MYO1F: variants seen among roughly 807,000 people sequenced by gnomAD.
MYO1F encodes the protein myosin IF, also known as unconventional myosin-If.
MYO1F carries 60 observed loss-of-function variants against 146.6 expected under a neutral mutation model. That is an observed-to-expected ratio of 0.41 (90% CI 0.33 to 0.51). MYO1F has a LOEUF of 0.51. Among genes scored for constraint, MYO1F ranks in the 20% least tolerant of loss-of-function variants. The pLI, the probability that MYO1F is intolerant of heterozygous loss-of-function variation, is 0.25. For missense variants in MYO1F, 1,274 were observed against 1,534.3 expected (o/e 0.83, Z 2.83); for synonymous variants, 602 against 602.1 (o/e 1.00, Z 0.00).
intron 27 of MYO1F, 32 bp downstream of exon 27, chr19:8,522,345 C>G: frequency 6.2e-7 from 1 of 1,613,458 alleles, no homozygotes; most frequent in Non-Finnish European, 8.5e-7. Context: ...TTACCACTCC[C>G]CTCACCCCAG....
At chr19:8,562,055 G>GAC (rs1974159886) in intron 1 of MYO1F, among the ~76,000 whole-genome samples, 1 of 149,922 alleles carries the variant, frequency 6.7e-6, no homozygotes, top group African/African-American at 2.5e-5. Flanking sequence ...TTTTTTTTGA[G>GAC]ATGGAGTCTT....
At position 8,577,006 on chromosome 19, in the gene MYO1F, C is replaced by G; in HGVS notation, c.3+301G>C. The G allele has an allele frequency of 3.5e-6, 2 of 574,894 alleles. No homozygotes were observed. Among genetic ancestry groups the G allele is most frequent in the Non-Finnish European group, 6.2e-6 (2 of 322,200 alleles). 35.6% of individuals were successfully genotyped at this position (574,894 alleles called of 1,614,324 possible). ...TCCCTTAATTTGCAAGCAAAGGAGG[C>G]TATGTCCTTGTCCCTGCAGACTCTG... On this transcript the variant is annotated intron_variant, in intron 1 of 27. Transcript: ENST00000644032. The surrounding 1 kb of genome is among the most constrained non-coding windows in gnomAD (Gnocchi z 4.3).
intron 1 of MYO1F, among the ~76,000 whole-genome samples, chr19:8,567,006 A>G (rs1293360721): frequency 2.0e-5 from 3 of 151,272 alleles, no homozygotes; most frequent in Non-Finnish European, 4.4e-5. Flanking sequence ...GAATTACTTC[A>G]TCTTATCCTT....
chr19:8,569,306 G>A (rs558393129), intron 1 of MYO1F, among the ~76,000 whole-genome samples: 1 of 152,176 alleles, frequency 6.6e-6, no homozygotes, highest in South Asian at 2.1e-4. Flanking sequence ...CAACCTGCTG[G>A]AGCTCTTGTG....
chr19:8,570,222 A>G (rs1160396548), intron 1 of MYO1F, among the ~76,000 whole-genome samples: 1 of 151,526 alleles, frequency 6.6e-6, no homozygotes, highest in African/African-American at 2.4e-5. Context: ...ACAGGCGTGC[A>G]CAACGCCTGG....
intron 4 of MYO1F, among the ~76,000 whole-genome samples, chr19:8,554,011 C>T (rs752032414): frequency 6.4e-4 from 97 of 151,740 alleles, no homozygotes; most frequent in Non-Finnish European, 3.8e-4. Flanking sequence ...GGCTGGAGTG[C>T]AGTGGTGTGA....
At chr19:8,564,242 G>A (rs370910957) in intron 1 of MYO1F, among the ~76,000 whole-genome samples, 4 of 152,034 alleles carry the variant, frequency 2.6e-5, no homozygotes, top group Non-Finnish European at 4.4e-5. Flanking sequence ...TTAGCCAGGC[G>A]TGGTGTCAGG....
chr19:8,544,462 G>T lies in MYO1F; in HGVS notation c.1359C>A (p.Ser453Arg), dbSNP rs770942505. 8 of 1,608,136 alleles carry T rather than the reference G, an allele frequency of 5.0e-6. No homozygotes were observed. Among genetic ancestry groups the T allele is most frequent in the Middle Eastern group, 1.7e-4 (1 of 5,996 alleles). Residue 453 changes from serine to arginine, a missense_variant and splice_region_variant, in exon 14 of 28, where the codon AGC becomes AGA. By Grantham distance (110) the Ser-to-Arg change is moderately radical. This residue lies in a region of MYO1F where 900 missense variants were observed against 1,155.1 expected (regional missense o/e 0.78). Coordinates refer to ENST00000644032, the MANE Select transcript of MYO1F (RefSeq NM_012335.4). ...CCAAGACGCTCATGATGCCTGGGGG[G>T]CTCTGCGGGGCGAGCGGGAGCCAGC... ...VVCDLIENKL[S>R]PPGIMSVLDD...
At chr19:8,550,809 T>C (rs1490928255) in intron 8 of MYO1F, 115 bp from the exon 9 acceptor site, 1 of 1,407,582 alleles carries the variant, frequency 7.1e-7, no homozygotes, top group Non-Finnish European at 9.9e-7. Flanking sequence ...CTTGGGTCCC[T>C]GTCCTACCCC....
intron 14 of MYO1F, chr19:8,544,024 CGGTGGCGGTGGCGGTGCTGGTGG>C: frequency 3.5e-6 from 1 of 285,032 alleles, no homozygotes; most frequent in Non-Finnish European, 6.0e-6. Flanking sequence ...GTGGCGGTGG[CGGTGGCGGTGGCGGTGCTGGTGG>C]TGGTGGTGGT....
chr19:8,568,785 G>A (rs1322919792), intron 1 of MYO1F, among the ~76,000 whole-genome samples: 1 of 152,108 alleles, frequency 6.6e-6, no homozygotes, highest in African/African-American at 2.4e-5. Context: ...GCCCGGCGTG[G>A]TGGCGGGTGT....
intron 13 of MYO1F, among the ~76,000 whole-genome samples, chr19:8,544,987 A>G (rs548772581): frequency 6.6e-6 from 1 of 152,234 alleles, no homozygotes; most frequent in East Asian, 1.9e-4. Flanking sequence ...CATGTTGGCC[A>G]GGCTGGTTTC....
chr19:8,556,750 G>C (rs747887659), intron 1 of MYO1F, among the ~76,000 whole-genome samples: 44 of 151,166 alleles, frequency 2.9e-4, no homozygotes, highest in Admixed American at 1.3e-3. Flanking sequence ...AGCCAGGTGT[G>C]CTGGCACATG....
At position 8,522,364 on chromosome 19, in the gene MYO1F, C is replaced by T. The variant is rs762338885; in HGVS notation, c.3220+13G>A. The stretch of plus-strand genomic sequence containing the variant: ...CACTCCCCTCACCCCAGCTTCTGCC[C>T]TGGTACACACACCTTCCATGAGGAT... On this transcript the variant is annotated intron_variant, in intron 27 of 27. Coordinates refer to ENST00000644032, the MANE Select transcript of MYO1F (RefSeq NM_012335.4). 1 of 1,613,924 alleles carries T rather than the reference C, an allele frequency of 6.2e-7. No homozygotes were observed. The highest frequency in any genetic ancestry group is 1.3e-5 in the African/African-American group (1 of 75,038).
At position 8,574,601 on chromosome 19, in the gene MYO1F, CTTTCTTTCTT is replaced by C. The variant is rs1568381332; in HGVS notation, c.3+2696_3+2705del. Among the ~76,000 whole-genome samples, 513 of 64,652 alleles carry C rather than the reference CTTTCTTTCTT, an allele frequency of 7.9e-3. 7 individuals are homozygous for C. The highest frequency in any genetic ancestry group is 0.031 in the Middle Eastern group (4 of 128). 42.4% of individuals were successfully genotyped at this position (64,652 alleles called of 152,430 possible). On this transcript the variant is annotated intron_variant, in intron 1 of 27. Transcript: ENST00000644032. ...TTTCTCTCTCTCTCTCTCTCTCTTT[CTTTCTTTCTT>C]TCTTTCTTTCTTTCTTTCTTTCTTT...
In MYO1F at chr19:8,536,516, G is replaced by A. The variant is rs761619477; in HGVS notation, c.1881C>T (p.Phe627=). 3.4e-5 allele frequency: 55 copies of A among 1,613,172 alleles called. No individual in the cohort carries two copies. The highest frequency in any genetic ancestry group is 4.0e-5 in the Non-Finnish European group (47 of 1,179,834). ...CTCCTCACCTCTGCAGGAATTTGGC[G>A]AACTGGCGGCGGTAGGCGAAGCCGG... ...RRAGFAYRRQ[F]AKFLQRYAIL... is the part of the protein sequence containing the mutation. The change falls in exon 18 of 28, where the codon TTC becomes TTT. Residue 627 remains phenylalanine (F), a synonymous_variant. Coordinates refer to ENST00000644032, the MANE Select transcript of MYO1F (RefSeq NM_012335.4).
intron 1 of MYO1F, among the ~76,000 whole-genome samples, chr19:8,565,392 A>G (rs1482705243): frequency 6.6e-6 from 1 of 151,360 alleles, no homozygotes; most frequent in Non-Finnish European, 1.5e-5. Flanking sequence ...AAAGTACAAC[A>G]TTAGCCAGGT....
chr19:8,549,154 C>T (rs1973498674), intron 10 of MYO1F, among the ~76,000 whole-genome samples: 3 of 150,986 alleles, frequency 2.0e-5, no homozygotes, highest in Admixed American at 1.3e-4. Flanking sequence ...TTTTGCCATG[C>T]TGGCCAGGGC....
rs778786394 is a variant in MYO1F at position 8,525,526 on chromosome 19, C to T, written c.2807G>A (p.Arg936Gln). 1.9e-6 allele frequency: 3 copies of T among 1,613,612 alleles called. No homozygotes were observed. The highest frequency in any genetic ancestry group is 1.7e-5 in the Admixed American group (1 of 60,028). The change falls in exon 25 of 28, where the codon CGG (arginine) becomes CAG (glutamine). Residue 936 changes from arginine to glutamine, a missense_variant. This residue lies in a region of MYO1F where 374 missense variants were observed against 379.2 expected (regional missense o/e 0.99). Transcript: ENST00000644032. Reference sequence around the variant, plus strand: ...CCGGGTAGGGGCTTGGGACGACCTCCGAGGTTTTCCCTTGGCCATTCCCTT... The same window carrying T: ...CCGGGTAGGGGCTTGGGACGACCTCTGAGGTTTTCCCTTGGCCATTCCCTT... The part of the protein sequence containing the change: ...TRKGMAKGKP[R>Q]RSSQAPTRAA...
Sources: allele counts gnomAD v4.1 joint callset (sites outside exome capture counted in the v4.1 genomes callset), GRCh38; gene constraint gnomAD v4.1.1; regional missense constraint gnomAD v4.1.1; non-coding constraint Gnocchi (gnomAD v3.1); transcripts MANE v1.5; gene names NCBI Gene and HGNC (gene_info 2026-07-23, HGNC 2026-07-21).